Variants in MYH9 observed in about 807,000 individuals in gnomAD.
MYH9 encodes myosin-9.
In MYH9, 29 loss-of-function variants were observed where a neutral mutation model predicts 241.9. The observed-to-expected ratio is 0.12, with a 90% CI of 0.09 to 0.16. MYH9 has a LOEUF of 0.16. Ranked by LOEUF, MYH9 falls within the 10% of genes least tolerant of loss-of-function variation. The pLI is 1.00. For missense variants in MYH9, 1,803 were observed against 2,595.5 expected (o/e 0.69, Z 6.63); for synonymous variants, 1,047 against 1,062.6 (o/e 0.99, Z 0.29).
chr22:36,346,282 T>C (rs2017677470), intron 2 of MYH9, among the ~76,000 whole-genome samples: 1 of 152,244 alleles, frequency 6.6e-6, no homozygotes, highest in African/African-American at 2.4e-5. Flanking sequence ...AAAGACCTCG[T>C]TGTCACAGAC....
In MYH9 at chr22:36,302,618, C is replaced by T. The variant is rs528027573; in HGVS notation, c.2449G>A (p.Ala817Thr). 25 of 1,613,478 alleles carry T rather than the reference C, an allele frequency of 1.5e-5. No individual in the cohort carries two copies. The highest frequency in any genetic ancestry group is 2.1e-5 in the Non-Finnish European group (25 of 1,179,956). Reference sequence around the variant, plus strand: ...CAGTTCCGCAGCTTCAGGTAGGCAGCGCAGTTCCGCTGGAGGACCTTCATG... The same window carrying T: ...CAGTTCCGCAGCTTCAGGTAGGCAGTGCAGTTCCGCTGGAGGACCTTCATG... ...TAMKVLQRNC[A>T]AYLKLRNWQW... The change falls in exon 20 of 41, where the codon GCT (alanine) becomes ACT (threonine). Residue 817 changes from alanine to threonine, a missense_variant. Coordinates refer to ENST00000216181, the MANE Select transcript of MYH9 (RefSeq NM_002473.6).
At chr22:36,375,822 AGACCAACCTG>A (rs2018157483) in intron 1 of MYH9, among the ~76,000 whole-genome samples, 1 of 152,328 alleles carries the variant, frequency 6.6e-6, no homozygotes, top group African/African-American at 2.4e-5. Flanking sequence ...CAGAAGCTTG[AGACCAACCTG>A]GACAACACAG....
intron 1 of MYH9, among the ~76,000 whole-genome samples, chr22:36,375,654 G>T (rs927148547): frequency 1.2e-4 from 19 of 152,186 alleles, no homozygotes; most frequent in African/African-American, 4.6e-4. Context: ...CTCCCCATCT[G>T]CAAAATGAGG....
At position 36,377,041 on chromosome 22, in the gene MYH9, C is replaced by T. The variant is rs973852878; in HGVS notation, c.-20+10766G>A. 1.1e-4 allele frequency among the ~76,000 whole-genome samples: 16 copies of T among 147,142 alleles called. No individual in the cohort carries two copies. The East Asian group carries it at 1.4e-3, about 13-fold the overall frequency. ...TCGTGCAACTGTACTCTAGCCTAGG[C>T]GACAAAGCGAGACCCTACCTCAAAA... is the stretch of plus-strand genomic sequence containing the variant. On this transcript the variant is annotated intron_variant, in intron 1 of 40. Coordinates refer to ENST00000216181, the MANE Select transcript of MYH9 (RefSeq NM_002473.6).
rs1352103040 is a variant in MYH9, at chr22:36,316,053, TTG to T, written c.1380+462_1380+463del. Among the ~76,000 whole-genome samples, 571 of 150,936 alleles carry T rather than the reference TTG, an allele frequency of 3.8e-3. 2 individuals are homozygous for T. The highest frequency in any genetic ancestry group is 0.013 in the African/African-American group (541 of 41,076). ...ACCCTGACTTTTTTTTTTTTTTTTT[TTG>T]AGACAGAGTTTCACACTTGTTGCCC... On this transcript the variant is annotated intron_variant, in intron 12 of 40. Transcript: ENST00000216181.
chr22:36,301,546 C>G lies in MYH9; in HGVS notation c.2619G>C (p.Thr873=), dbSNP rs1304272556. 1.9e-6 allele frequency: 3 copies of G among 1,613,658 alleles called. No homozygotes were observed. Among genetic ancestry groups the G allele is most frequent in the South Asian group, 1.1e-5 (1 of 91,088 alleles). Residue 873 remains threonine, a synonymous_variant, in exon 21 of 41, where the codon ACG becomes ACC. Transcript: ENST00000216181. ...CACTGACACCCACCTGAGACTGCAG[C>G]GTCTCCATCTCCGTGAGCCTGTTCT... ...AAENRLTEME[T]LQSQLMAEKL... is the part of the protein sequence containing the mutation.
At chr22:36,299,658 C>A (rs549210783) in intron 23 of MYH9, among the ~76,000 whole-genome samples, 39 of 152,308 alleles carry the variant, frequency 2.6e-4, no homozygotes, top group African/African-American at 9.1e-4. Flanking sequence ...CTTCTCCTGC[C>A]TTCTCCTCTA....
At chr22:36,332,640 C>A (rs887851298) in intron 3 of MYH9, among the ~76,000 whole-genome samples, 1 of 144,798 alleles carries the variant, frequency 6.9e-6, no homozygotes, top group Non-Finnish European at 1.5e-5. Flanking sequence ...TAGCCCTCCC[C>A]CTCCAGACAC....
At chr22:36,361,015 T>TTATCTACA (rs1436440212) in intron 1 of MYH9, among the ~76,000 whole-genome samples, 1 of 152,078 alleles carries the variant, frequency 6.6e-6, no homozygotes. Flanking sequence ...ATCTACAGGG[T>TTATCTACA]GGGTCAATAA....
In MYH9 at chr22:36,318,294, G is replaced by T. The variant is rs779540372; in HGVS notation, c.1140C>A (p.Ile380=). 1 of 1,613,968 alleles carries T rather than the reference G, an allele frequency of 6.2e-7. No individual in the cohort carries two copies. Among genetic ancestry groups the T allele is most frequent in the South Asian group, 1.1e-5 (1 of 91,084 alleles). ...TTCCTCTGGTGAAATCGGTCACATT[G>T]ATACCCAAGAGATGGGACACCTTTT... ...AAQKVSHLLG[I]NVTDFTRGIL... is the part of the protein sequence containing the mutation. Residue 380 remains isoleucine (I), a synonymous_variant, in exon 11 of 41, where the codon ATC becomes ATA. Transcript: ENST00000216181.
intron 24 of MYH9, among the ~76,000 whole-genome samples, chr22:36,297,796 C>T (rs1044841379): frequency 9.2e-5 from 14 of 152,328 alleles, no homozygotes; most frequent in African/African-American, 3.4e-4. Context: ...TCAGTGCACA[C>T]GGCTGAGTGA....
chr22:36,386,202 G>T (rs938155468), intron 1 of MYH9, among the ~76,000 whole-genome samples: 2 of 152,108 alleles, frequency 1.3e-5, no homozygotes, highest in African/African-American at 2.4e-5. Context: ...CTCATCTACA[G>T]ATTTGTCTCA....
Position 36,305,780 on chromosome 22 carries a change from G to C in MYH9, c.2159+150C>G. On this transcript the variant is annotated intron_variant, in intron 17 of 40. Transcript: ENST00000216181. This position sits in a 1 kb window ranked among gnomAD's most constrained non-coding sequence, Gnocchi z 4.7. ...TGCAAAGGGTGGAAAAGAGAAGGAG[G>C]TGGGGAAGAGCTGGCCAGACTCAGT... 9.0e-7 allele frequency: 1 copy of C among 1,105,970 alleles called. No homozygotes were observed. The highest frequency in any genetic ancestry group is 1.7e-5 in the Admixed American group (1 of 57,238). The allele number at this position is 1,105,970 out of a possible 1,614,324, so 68.5% of individuals were successfully genotyped here.
chr22:36,287,740 TCAAA>T (rs576000995), intron 34 of MYH9, among the ~76,000 whole-genome samples: 6 of 152,240 alleles, frequency 3.9e-5, no homozygotes, highest in Non-Finnish European at 5.9e-5. Flanking sequence ...AGACTCCGTC[TCAAA>T]CAAACAAACA....
intron 1 of MYH9, among the ~76,000 whole-genome samples, chr22:36,357,600 G>A (rs2017876371): frequency 6.6e-6 from 1 of 152,122 alleles, no homozygotes; most frequent in East Asian, 1.9e-4. Context: ...ACCCGGTTGA[G>A]CCCACTGATT....
chr22:36,284,565 C>G, intron 38 of MYH9, 54 bp from the exon 39 acceptor site: 1 of 1,551,398 alleles, frequency 6.4e-7, no homozygotes, highest in Non-Finnish European at 8.8e-7. Context: ...GAGGGTCCGG[C>G]CAACAAGCCC....
At chr22:36,304,352 C>T (rs550852037) in intron 18 of MYH9, among the ~76,000 whole-genome samples, 197 bp from the exon 19 acceptor site, 1 of 152,344 alleles carries the variant, frequency 6.6e-6, no homozygotes, top group African/African-American at 2.4e-5. Flanking sequence ...AGGCTGTGCA[C>T]ACAGTAGGTG....
rs188843586 is a variant in MYH9, at chr22:36,299,052, G to A, written c.2977-10C>T. ...CCAGCAGTTTCTTTTCCTGGGGAGAGGGGAGTAGGCTGGCATTTAGTGTTG... is the reference window on the plus strand; with the variant it reads ...CCAGCAGTTTCTTTTCCTGGGGAGAAGGGAGTAGGCTGGCATTTAGTGTTG... On this transcript the variant is annotated splice_polypyrimidine_tract_variant and intron_variant, in intron 23 of 40. Transcript: ENST00000216181. 1.4e-5 allele frequency: 22 copies of A among 1,613,952 alleles called. No homozygotes were observed. The East Asian group carries it at 4.0e-4, about 29-fold the overall frequency.
intron 31 of MYH9, among the ~76,000 whole-genome samples, chr22:36,291,465 A>C (rs1448159132): frequency 6.6e-6 from 1 of 151,900 alleles, no homozygotes; most frequent in South Asian, 2.1e-4. Context: ...TTTGTTAAAC[A>C]GATGCTTGAA....
Sources: gnomAD v4.1 joint callset for allele counts (sites outside exome capture counted in the v4.1 genomes callset) on GRCh38, gnomAD v4.1.1 for gene constraint, Gnocchi (gnomAD v3.1) non-coding constraint, MANE v1.5 for transcripts, NCBI Gene and HGNC (gene_info 2026-07-23, HGNC 2026-07-21) for gene names.